The following SPATA6 variants were observed in gnomAD, a reference collection of about 807,000 sequenced individuals.
SPATA6 encodes spermatogenesis-associated protein 6.
In SPATA6, 56 loss-of-function variants were observed where a neutral mutation model predicts 65.3. The observed-to-expected ratio is 0.86, with a 90% CI of 0.69 to 1.07. SPATA6 has a LOEUF of 1.07. Among genes scored for constraint, SPATA6 ranks in the 50% least tolerant of loss-of-function variants. The probability of loss-of-function intolerance (pLI) is 0.00; values close to 1 mark genes in which losing one functional copy is unlikely to be tolerated. For missense variants in SPATA6, 590 were observed against 594.8 expected (o/e 0.99, Z 0.08); for synonymous variants, 199 against 213.2 (o/e 0.93, Z 0.58).
intron 6 of SPATA6, among the ~76,000 whole-genome samples, chr1:48,402,391 G>GA (rs200750670): frequency 4.6e-5 from 7 of 151,172 alleles, no homozygotes; most frequent in East Asian, 1.9e-4. Flanking sequence ...CCAGCGTGAA[G>GA]AAAAAAAAAC....
chr1:48,376,050 C>T (rs1163563420), intron 9 of SPATA6, among the ~76,000 whole-genome samples: 3 of 152,114 alleles, frequency 2.0e-5, no homozygotes, highest in East Asian at 3.8e-4. Context: ...AAACCATTTG[C>T]CTTTCAGATG....
At chr1:48,337,084 A>G (rs899778289) in intron 11 of SPATA6, among the ~76,000 whole-genome samples, 1 of 151,956 alleles carries the variant, frequency 6.6e-6, no homozygotes, top group African/African-American at 2.4e-5. Context: ...TCTGAGGAGA[A>G]TATTACAAGA....
intron 11 of SPATA6, among the ~76,000 whole-genome samples, chr1:48,311,802 G>A (rs191741516): frequency 5.3e-5 from 8 of 152,284 alleles, no homozygotes; most frequent in Middle Eastern, 3.4e-3. Flanking sequence ...AAGGGGTGAG[G>A]GAATTCCCTT....
At chr1:48,417,676 C>T (rs551209479) in intron 3 of SPATA6, among the ~76,000 whole-genome samples, 9 of 151,748 alleles carry the variant, frequency 5.9e-5, no homozygotes, top group African/African-American at 9.7e-5. Context: ...ATTAGCCAGG[C>T]ATGGTGGCAC....
At chr1:48,460,965 T>C (rs1239315030) in intron 1 of SPATA6, among the ~76,000 whole-genome samples, 1 of 152,046 alleles carries the variant, frequency 6.6e-6, no homozygotes. Context: ...GGCTGCCTGA[T>C]AAATTTAAAG....
the SPATA6 span, among the ~76,000 whole-genome samples, chr1:48,284,114 G>A: frequency 6.6e-6 from 1 of 152,050 alleles, no homozygotes; most frequent in African/African-American, 2.4e-5. Flanking sequence ...ATTTCTTGGT[G>A]GCTTTGTTCA....
chr1:48,421,113 G>T (rs549738680), intron 3 of SPATA6, among the ~76,000 whole-genome samples: 1 of 152,266 alleles, frequency 6.6e-6, no homozygotes, highest in Admixed American at 6.5e-5. Context: ...ATGGACTAAT[G>T]CTGGTGATCT....
Position 48,355,723 on chromosome 1 carries a change from C to G in SPATA6, c.1141G>C (p.Asp381His). ...GATTTCAAGACATTTTTTACCCGGT[C>G]ATGGATCTCATCGCAGTTTGAAGGT... is the stretch of plus-strand genomic sequence containing the variant. Reference protein sequence around the residue: ...CSPSNCDEIHDRVKNVLKSHQ... With the variant: ...CSPSNCDEIHHRVKNVLKSHQ... Residue 381 changes from aspartate to histidine, a missense_variant, in exon 11 of 13, where the codon GAC (aspartate) becomes CAC (histidine). Physicochemically the swap from Asp to His is moderately conservative, Grantham distance 81 (BLOSUM62 -1). Transcript: ENST00000371847. 6.2e-7 allele frequency: 1 copy of G among 1,613,178 alleles called. No homozygotes were observed. The highest frequency in any genetic ancestry group is 1.1e-5 in the South Asian group (1 of 90,988).
chr1:48,307,747 T>A (rs533449358), intron 11 of SPATA6, among the ~76,000 whole-genome samples: 1 of 151,982 alleles, frequency 6.6e-6, no homozygotes, highest in Admixed American at 6.6e-5. Context: ...CTATCAGTTT[T>A]TCCTTATATT....
At chr1:48,364,953 TC>T (rs1421840695) in intron 9 of SPATA6, among the ~76,000 whole-genome samples, 1 of 152,240 alleles carries the variant, frequency 6.6e-6, no homozygotes, top group Non-Finnish European at 1.5e-5. Flanking sequence ...AAGTCTTTAA[TC>T]CATCGTGAAT....
At chr1:48,364,399 C>T (rs1646926336) in intron 9 of SPATA6, among the ~76,000 whole-genome samples, 1 of 152,344 alleles carries the variant, frequency 6.6e-6, no homozygotes, top group East Asian at 1.9e-4. Context: ...AATGGTTGAA[C>T]TAGTTTACAG....
At chr1:48,358,621 T>C (rs1157479158) in intron 10 of SPATA6, among the ~76,000 whole-genome samples, 2 of 152,108 alleles carry the variant, frequency 1.3e-5, no homozygotes. Flanking sequence ...ATGCAAGTTA[T>C]CAACTTCAGC....
intron 1 of SPATA6, among the ~76,000 whole-genome samples, chr1:48,464,693 A>C (rs1657686250): frequency 6.6e-6 from 1 of 152,238 alleles, no homozygotes; most frequent in Non-Finnish European, 1.5e-5. Flanking sequence ...AGATAGATAT[A>C]GCTAGATTTC....
At chr1:48,278,307 C>G in the SPATA6 span, among the ~76,000 whole-genome samples, 1 of 152,172 alleles carries the variant, frequency 6.6e-6, no homozygotes, top group Non-Finnish European at 1.5e-5. Flanking sequence ...AGCTCCTCAC[C>G]AGCAACACAA....
chr1:48,409,798 T>C lies in SPATA6; in HGVS notation c.405+1666A>G, dbSNP rs568341809. Among the ~76,000 whole-genome samples, 17 of 152,366 alleles carry C rather than the reference T, an allele frequency of 1.1e-4. No individual in the cohort carries two copies. The South Asian group carries it at 3.3e-3, about 30-fold the overall frequency. On this transcript the variant is annotated intron_variant, in intron 5 of 12. Transcript: ENST00000371847. Reference sequence around the variant, plus strand: ...GCTCTATGTTAGCCCCTTTCAGCCATGGCTGGAGTGGCTGAGACACAGCAC... The same window carrying C: ...GCTCTATGTTAGCCCCTTTCAGCCACGGCTGGAGTGGCTGAGACACAGCAC...
chr1:48,267,763 T>TG, the SPATA6 span, among the ~76,000 whole-genome samples: 1 of 133,512 alleles, frequency 7.5e-6, no homozygotes, highest in South Asian at 2.8e-4. Flanking sequence ...TTTTTTTTTT[T>TG]TTTTTTTTTT....
chr1:48,362,992 TA>T (rs1646863271), intron 9 of SPATA6, among the ~76,000 whole-genome samples: 1 of 151,858 alleles, frequency 6.6e-6, no homozygotes, highest in South Asian at 2.1e-4. Flanking sequence ...GGGTGTTAAA[TA>T]AACAGGAGAA....
chr1:48,268,239 A>G, the SPATA6 span, among the ~76,000 whole-genome samples: 1 of 152,076 alleles, frequency 6.6e-6, no homozygotes, highest in East Asian at 1.9e-4. Flanking sequence ...CCCCCATCCC[A>G]TATCATTATC....
chr1:48,319,195 C>G (rs974932379), intron 11 of SPATA6, among the ~76,000 whole-genome samples: 4 of 152,066 alleles, frequency 2.6e-5, no homozygotes, highest in African/African-American at 9.7e-5. Flanking sequence ...TTTTATGTCC[C>G]TAGACTAAGC....
Sources: allele counts gnomAD v4.1 joint callset (sites outside exome capture counted in the v4.1 genomes callset), GRCh38; gene constraint gnomAD v4.1.1; transcripts MANE v1.5; gene names NCBI Gene and HGNC (gene_info 2026-07-23, HGNC 2026-07-21).